DOCK3: variants seen among roughly 807,000 people sequenced by gnomAD.
The protein encoded by DOCK3 is dedicator of cytokinesis protein 3.
Under a neutral mutation model 265.6 loss-of-function variants are expected in DOCK3, and 60 were observed. The observed-to-expected ratio is 0.23, with a 90% CI of 0.18 to 0.28. The LOEUF (loss-of-function observed/expected upper bound fraction) is 0.28, where lower values mean the gene tolerates loss of function less well. Ranked by LOEUF, DOCK3 falls within the 10% of genes least tolerant of loss-of-function variation. DOCK3 has a pLI of 1.00. For synonymous variants in DOCK3, 881 were observed against 938.0 expected (o/e 0.94, Z 1.11); for missense variants, 1,981 against 2,594.3 (o/e 0.76, Z 5.14).
chr3:51,228,522 G>A (rs985894481), intron 17 of DOCK3, 139 bp from the exon 18 acceptor site: 60 of 911,344 alleles, frequency 6.6e-5, no homozygotes, highest in Non-Finnish European at 6.5e-5. Flanking sequence ...TGAACAGAAA[G>A]TACTCTTCCA....
chr3:51,296,213 A>G (rs2082070667), intron 27 of DOCK3, among the ~76,000 whole-genome samples: 1 of 152,192 alleles, frequency 6.6e-6, no homozygotes, highest in Non-Finnish European at 1.5e-5. Context: ...TTAAGAAAAA[A>G]TCCCAGTTAC....
intron 5 of DOCK3, among the ~76,000 whole-genome samples, chr3:50,996,926 A>G (rs2078308114): frequency 6.6e-6 from 1 of 152,062 alleles, no homozygotes; most frequent in African/African-American, 2.4e-5. Flanking sequence ...CCTGTTTCCT[A>G]CCTGAGATCT....
chr3:50,711,497 C>T (rs767110343), intron 1 of DOCK3, among the ~76,000 whole-genome samples: 5 of 152,200 alleles, frequency 3.3e-5, no homozygotes, highest in South Asian at 2.1e-4. Flanking sequence ...CTCCTGACCT[C>T]GTGATCCACC....
Position 50,675,160 on chromosome 3 carries a change from A to G in DOCK3, c.-104A>G. The G allele has an allele frequency of 2.3e-6, 2 of 855,356 alleles. No homozygotes were observed. The highest frequency in any genetic ancestry group is 2.9e-6 in the Non-Finnish European group (2 of 698,232). 53.0% of individuals were successfully genotyped at this position (855,356 alleles called of 1,614,324 possible). ...GCCGCCCACTGCCCCGCGCCGCCTG[A>G]CCGTCCCCGCCTCGACTCGCGGTGC... On this transcript the variant is annotated 5_prime_UTR_variant, in exon 1 of 53. It removes the in-frame stop codon of an upstream open reading frame in the 5' UTR. Transcript: ENST00000266037. The surrounding 1 kb of genome is among the most constrained non-coding windows in gnomAD (Gnocchi z 6.1).
intron 9 of DOCK3, among the ~76,000 whole-genome samples, chr3:51,109,917 AG>A (rs2083441275): frequency 6.6e-6 from 1 of 151,994 alleles, no homozygotes; most frequent in Non-Finnish European, 1.5e-5. Flanking sequence ...TGGGTAACAG[AG>A]TGAACTCTGT....
chr3:50,937,381 A>C (rs2051432306), intron 5 of DOCK3, among the ~76,000 whole-genome samples: 1 of 148,552 alleles, frequency 6.7e-6, no homozygotes, highest in Non-Finnish European at 1.5e-5. Flanking sequence ...TCGGCTGGGC[A>C]CGGTGGCTCA....
chr3:50,676,171 A>G (rs897414864), intron 1 of DOCK3, among the ~76,000 whole-genome samples: 14 of 152,234 alleles, frequency 9.2e-5, no homozygotes, highest in African/African-American at 3.4e-4. Context: ...CGTAATGGAA[A>G]ATTTTAGATA....
chr3:51,255,566 C>A (rs2079501463), intron 22 of DOCK3, among the ~76,000 whole-genome samples: 1 of 152,222 alleles, frequency 6.6e-6, no homozygotes, highest in Non-Finnish European at 1.5e-5. Context: ...TTGTTCATTT[C>A]TTTTTACTCT....
At chr3:50,682,807 C>A (rs1470990541) in intron 1 of DOCK3, among the ~76,000 whole-genome samples, 1 of 152,172 alleles carries the variant, frequency 6.6e-6, no homozygotes, top group Admixed American at 6.5e-5. Flanking sequence ...GGCATGGTGG[C>A]GCACGCCTGT....
At chr3:50,908,046 T>C (rs987636028) in intron 4 of DOCK3, among the ~76,000 whole-genome samples, 1 of 152,112 alleles carries the variant, frequency 6.6e-6, no homozygotes, top group African/African-American at 2.4e-5. Context: ...GGTTAGTATT[T>C]CTGTGCGATC....
chr3:51,043,958 A>G (rs573150259), intron 5 of DOCK3, among the ~76,000 whole-genome samples: 2 of 152,300 alleles, frequency 1.3e-5, no homozygotes, highest in South Asian at 2.1e-4. Flanking sequence ...AGAAAAAGGA[A>G]TATTTATACA....
At chr3:51,006,808 G>T (rs997620557) in intron 5 of DOCK3, among the ~76,000 whole-genome samples, 2 of 152,050 alleles carry the variant, frequency 1.3e-5, no homozygotes, top group Non-Finnish European at 2.9e-5. Flanking sequence ...GGTGTATGTT[G>T]TTCCCCACCC....
intron 27 of DOCK3, among the ~76,000 whole-genome samples, chr3:51,284,178 T>A (rs2081289122): frequency 6.6e-6 from 1 of 152,204 alleles, no homozygotes; most frequent in Admixed American, 6.5e-5. Context: ...CCCGAAGGAC[T>A]GCATCCTAAA....
intron 6 of DOCK3, among the ~76,000 whole-genome samples, chr3:51,064,902 C>T (rs2081538166): frequency 6.6e-6 from 1 of 152,148 alleles, no homozygotes; most frequent in African/African-American, 2.4e-5. Context: ...TTCTACACCT[C>T]CTAATCAGAA....
At chr3:51,235,676 A>G (rs1337944368) in intron 19 of DOCK3, among the ~76,000 whole-genome samples, 1 of 152,210 alleles carries the variant, frequency 6.6e-6, no homozygotes, top group Non-Finnish European at 1.5e-5. Context: ...GAGGAAGGAT[A>G]GACTTGATTT....
intron 19 of DOCK3, among the ~76,000 whole-genome samples, chr3:51,233,198 A>G (rs1052902554): frequency 6.6e-6 from 1 of 152,190 alleles, no homozygotes; most frequent in Non-Finnish European, 1.5e-5. Flanking sequence ...TGTTGAATCT[A>G]TAGATTGCTT....
chr3:50,773,849 G>A (rs1158343976), intron 1 of DOCK3, among the ~76,000 whole-genome samples: 1 of 151,968 alleles, frequency 6.6e-6, no homozygotes, highest in Non-Finnish European at 1.5e-5. Context: ...GTAAGACACC[G>A]ATGAGTATCT....
chr3:51,269,947 A>C (rs935401273), intron 23 of DOCK3, among the ~76,000 whole-genome samples: 11 of 152,230 alleles, frequency 7.2e-5, no homozygotes, highest in Non-Finnish European at 1.5e-4. Flanking sequence ...TGTGTCAGGT[A>C]AGCGGTAAAG....
intron 2 of DOCK3, among the ~76,000 whole-genome samples, chr3:50,808,550 T>G (rs79695765): frequency 0.047 from 7,165 of 152,286 alleles, 230 homozygotes; most frequent in Non-Finnish European, 0.073. Context: ...ACCTATGGGC[T>G]AACTCTGGCT....
Sources: gnomAD v4.1 joint callset for allele counts (sites outside exome capture counted in the v4.1 genomes callset) on GRCh38, gnomAD v4.1.1 for gene constraint, Gnocchi (gnomAD v3.1) non-coding constraint, MANE v1.5 for transcripts, NCBI Gene and HGNC (gene_info 2026-07-23, HGNC 2026-07-21) for gene names.